Variants in TBX18 observed in about 807,000 individuals in gnomAD.
The protein encoded by TBX18 is T-box transcription factor TBX18.
In TBX18, 21 loss-of-function variants were observed where a neutral mutation model predicts 55.0. The observed-to-expected ratio is 0.38, with a 90% confidence interval of 0.27 to 0.55. TBX18 has a LOEUF of 0.55. TBX18 is among the 20% of genes least tolerant of loss of function. TBX18 has a pLI of 0.73. For missense variants in TBX18, 840 were observed against 799.6 expected (o/e 1.05, Z -0.61); for synonymous variants, 342 against 326.1 (o/e 1.05, Z -0.53).
chr6:84,760,490 G>T, intron 2 of TBX18, 134 bp from the exon 3 acceptor site: 1 of 553,854 alleles, frequency 1.8e-6, no homozygotes, highest in South Asian at 2.9e-5. Flanking sequence ...CTTTGCCAAT[G>T]TAATTCAAGG....
chr6:84,752,019 A>G (rs1767362052), intron 4 of TBX18, among the ~76,000 whole-genome samples: 1 of 152,228 alleles, frequency 6.6e-6, no homozygotes, highest in Non-Finnish European at 1.5e-5. Context: ...ATAATTCCAA[A>G]TAATTCTATG....
rs1767687958 is a variant in TBX18, at chr6:84,762,714, G to A, written c.327C>T (p.Ser109=). ...GGGAGCCTCCCGGTGACGCCAGAGGGGAAGCTCCCTGCTGGAAGCCGTCCT... is the reference window on the plus strand; with the variant it reads ...GGGAGCCTCCCGGTGACGCCAGAGGAGAAGCTCCCTGCTGGAAGCCGTCCT... ...GCEDGFQQGA[S]PLASPGGSPK... The change falls in exon 2 of 8, where the codon TCC becomes TCT. Residue 109 remains serine (S), a synonymous_variant. Transcript: ENST00000369663. 1 of 1,610,464 alleles carries A rather than the reference G, an allele frequency of 6.2e-7. No individual in the cohort carries two copies. Among genetic ancestry groups the A allele is most frequent in the Non-Finnish European group, 8.5e-7 (1 of 1,178,958 alleles).
At chr6:84,738,423 T>C (rs563714859) in intron 7 of TBX18, 74 bp downstream of exon 7, 736 of 1,102,990 alleles carry the variant, frequency 6.7e-4, no homozygotes, top group Non-Finnish European at 9.7e-4. Flanking sequence ...AAATAATGAC[T>C]TGTACACTTT....
rs139629340 is a variant in TBX18 at position 84,737,039 on chromosome 6, C to T, written c.1470G>A (p.Ser490=). ...TATACTGGAGCTGGGGGGACATTCC[C>T]GAAATCTGCATGGATAAGCTGGTCT... The part of the protein sequence containing the change: ...CPQTSLSMQI[S]GMSPQLQYIM... Residue 490 remains serine, a synonymous_variant, in exon 8 of 8, where the codon TCG becomes TCA. Transcript: ENST00000369663. The T allele has an allele frequency of 6.3e-4, 1,018 of 1,614,076 alleles. No homozygotes were observed. The highest frequency in any genetic ancestry group is 1.8e-3 in the Admixed American group (108 of 60,006).
intron 2 of TBX18, among the ~76,000 whole-genome samples, chr6:84,761,542 AAT>A (rs1301306562): frequency 6.6e-6 from 1 of 152,294 alleles, no homozygotes; most frequent in East Asian, 1.9e-4. Flanking sequence ...GATTCAATAA[AAT>A]ATGTTTTTTT....
At chr6:84,751,644 TAA>T (rs1230217173) in intron 4 of TBX18, among the ~76,000 whole-genome samples, 2 of 152,190 alleles carry the variant, frequency 1.3e-5, no homozygotes, top group African/African-American at 2.4e-5. Flanking sequence ...GTGAAATGAA[TAA>T]AAGTCTCAGA....
At position 84,764,055 on chromosome 6, in the gene TBX18, C is replaced by A; in HGVS notation, c.127G>T (p.Ala43Ser). ...QLQKKRRKLG[A>S]EEAAGAVDDG... ...TCCACGGCCCCCGCCGCCTCTTCGG[C>A]GCCCAGTTTTCGCCGCTTCTTCTGA... is the stretch of plus-strand genomic sequence containing the variant. The change falls in exon 1 of 8, where the codon GCC becomes TCC. Residue 43 changes from alanine to serine, a missense_variant. Ala to Ser is a moderately conservative substitution (Grantham distance 99). Coordinates refer to ENST00000369663, the MANE Select transcript of TBX18 (RefSeq NM_001080508.3). 6.4e-7 allele frequency: 1 copy of A among 1,564,854 alleles called. No homozygotes were observed.
intron 4 of TBX18, among the ~76,000 whole-genome samples, chr6:84,754,949 G>C (rs1479491291): frequency 6.6e-6 from 1 of 152,068 alleles, no homozygotes; most frequent in Non-Finnish European, 1.5e-5. Context: ...TTTCGGACTT[G>C]TCAGGACCCA....
chr6:84,738,571 A>T lies in TBX18; in HGVS notation c.1025T>A (p.Val342Glu). The T allele has an allele frequency of 6.2e-7, 1 of 1,613,990 alleles. No homozygotes were observed. The highest frequency in any genetic ancestry group is 1.7e-5 in the Admixed American group (1 of 60,014). Residue 342 changes from valine to glutamate, a missense_variant, in exon 7 of 8, where the codon GTG (valine) becomes GAG (glutamate). Physicochemically the swap from Val to Glu is moderately radical, Grantham distance 121 (BLOSUM62 -2). Transcript: ENST00000369663. ...GRNRMGLEALVESYAFWRPSL... is the reference protein window; with the variant it reads ...GRNRMGLEALEESYAFWRPSL... ...TGGTCGCCAGAATGCATATGATTCC[A>T]CCAAGGCTTCCAAACCCATTCTAAA...
chr6:84,762,859 G>A (rs1359624303), intron 1 of TBX18, 111 bp from the exon 2 acceptor site: 37 of 1,061,768 alleles, frequency 3.5e-5, no homozygotes, highest in Middle Eastern at 3.0e-4. Context: ...CGGGAGAAAA[G>A]GGGAAGCTTT....
In TBX18 at chr6:84,760,362, TA is replaced by T. The variant is rs1378961848; in HGVS notation, c.498-7del. 19 of 1,592,442 alleles carry T rather than the reference TA, an allele frequency of 1.2e-5. No individual in the cohort carries two copies. Among genetic ancestry groups the T allele is most frequent in the Admixed American group, 6.9e-5 (4 of 57,730 alleles). On this transcript the variant is annotated splice_polypyrimidine_tract_variant and splice_region_variant and intron_variant, in intron 2 of 7. Transcript: ENST00000369663. ...TCATTGCTGGAAACATGCGCCTATT[TA>T]AAAAGGCGAAGAGAAAGAGGGTTTG...
chr6:84,750,456 G>A (rs1767317694), intron 4 of TBX18, among the ~76,000 whole-genome samples: 1 of 152,072 alleles, frequency 6.6e-6, no homozygotes, highest in Non-Finnish European at 1.5e-5. Flanking sequence ...TCTATTTACC[G>A]CCCTCCAATT....
rs754663368 is a variant in TBX18, at chr6:84,748,046, G to A, written c.813C>T (p.His271=). 1.8e-5 allele frequency: 29 copies of A among 1,612,704 alleles called. No homozygotes were observed. The highest frequency in any genetic ancestry group is 1.1e-4 in the South Asian group (10 of 90,932). ...HSMHKYQPRV[H]VIRKDCGDDL... ...CGTCTCCACAGTCTTTACGGATGAC[G>A]TGCACTCGCGGTTGGTATTTGTGCA... Residue 271 remains histidine, a synonymous_variant, in exon 5 of 8, where the codon CAC becomes CAT. Coordinates refer to ENST00000369663, the MANE Select transcript of TBX18 (RefSeq NM_001080508.3).
chr6:84,741,970 ACAAT>A (rs1767059467), intron 6 of TBX18: 1 of 152,180 alleles, frequency 6.6e-6, no homozygotes, highest in African/African-American at 2.4e-5. Context: ...GGAAAATGTT[ACAAT>A]CAGATTTTTA....
At chr6:84,752,506 G>A (rs961626462) in intron 4 of TBX18, among the ~76,000 whole-genome samples, 3 of 152,126 alleles carry the variant, frequency 2.0e-5, no homozygotes, top group Non-Finnish European at 4.4e-5. Flanking sequence ...TTTGTTTTAC[G>A]CATGATGCTG....
At chr6:84,738,759 T>G (rs1766960754) in intron 6 of TBX18, among the ~76,000 whole-genome samples, 168 bp from the exon 7 acceptor site, 1 of 152,194 alleles carries the variant, frequency 6.6e-6, no homozygotes, top group Admixed American at 6.5e-5. Flanking sequence ...AGCAATGGGC[T>G]AACATCCTGT....
At chr6:84,750,190 C>T (rs1767307403) in intron 4 of TBX18, among the ~76,000 whole-genome samples, 1 of 149,334 alleles carries the variant, frequency 6.7e-6, no homozygotes. Flanking sequence ...GAAGCTGAGG[C>T]AGGAGGATAG....
intron 5 of TBX18, among the ~76,000 whole-genome samples, chr6:84,745,334 A>G (rs1767153904): frequency 6.6e-6 from 1 of 152,118 alleles, no homozygotes; most frequent in Admixed American, 6.6e-5. Flanking sequence ...AGGAATTTAC[A>G]GCCTATTTTC....
At chr6:84,741,175 C>T (rs1176877631) in intron 6 of TBX18, 1 of 152,148 alleles carries the variant, frequency 6.6e-6, no homozygotes, top group African/African-American at 2.4e-5. Flanking sequence ...AAAAAGCCTT[C>T]ATTTTCTCCA....
Sources: gnomAD v4.1 joint callset for allele counts (sites outside exome capture counted in the v4.1 genomes callset) on GRCh38, gnomAD v4.1.1 for gene constraint, MANE v1.5 for transcripts, NCBI Gene and HGNC (gene_info 2026-07-23, HGNC 2026-07-21) for gene names.